Variants in PAIP2B observed in about 807,000 individuals in gnomAD.
PAIP2B encodes the protein poly(A) binding protein interacting protein 2B.
A neutral mutation model predicts 17.0 loss-of-function variants in PAIP2B; 13 were observed. The observed-to-expected ratio is 0.76, with a 90% CI of 0.50 to 1.22. The LOEUF (loss-of-function observed/expected upper bound fraction) is 1.22, where lower values mean the gene tolerates loss of function less well. PAIP2B is among the 50% of genes most tolerant of loss of function. The pLI is 0.00. For missense variants in PAIP2B, 117 were observed against 144.5 expected (o/e 0.81, Z 0.98); for synonymous variants, 43 against 48.7 (o/e 0.88, Z 0.48).
chr2:71,211,140 G>A (rs906708289), intron 1 of PAIP2B, among the ~76,000 whole-genome samples: 5 of 152,026 alleles, frequency 3.3e-5, no homozygotes, highest in Admixed American at 6.6e-5. Flanking sequence ...CCAGCTATTC[G>A]GGGAGGTAGG....
chr2:71,198,626 T>G (rs973997710), intron 2 of PAIP2B, among the ~76,000 whole-genome samples: 5 of 152,004 alleles, frequency 3.3e-5, no homozygotes, highest in African/African-American at 4.8e-5. Context: ...TTTCATCATG[T>G]TGGCCAGGCT....
intron 2 of PAIP2B, among the ~76,000 whole-genome samples, chr2:71,193,757 G>A (rs1361522212): frequency 6.6e-6 from 1 of 152,152 alleles, no homozygotes; most frequent in African/African-American, 2.4e-5. Context: ...TGGAGGCTGA[G>A]GCAGGAGAAT....
chr2:71,189,630 G>A (rs977132924), intron 3 of PAIP2B, among the ~76,000 whole-genome samples: 5 of 152,204 alleles, frequency 3.3e-5, no homozygotes, highest in Admixed American at 1.3e-4. Context: ...TAAAAAGCCC[G>A]TGATGCTGGC....
At chr2:71,204,573 T>C (rs781316643) in intron 1 of PAIP2B, among the ~76,000 whole-genome samples, 6 of 152,178 alleles carry the variant, frequency 3.9e-5, no homozygotes, top group Admixed American at 1.3e-4. Flanking sequence ...ATAGAACCCA[T>C]TTAAATCACT....
intron 2 of PAIP2B, among the ~76,000 whole-genome samples, chr2:71,194,479 GTGTGTGTGTGTGT>G (rs1572922694): frequency 6.6e-6 from 1 of 151,686 alleles, no homozygotes; most frequent in East Asian, 1.9e-4. Context: ...GTGTGTGTGT[GTGTGTGTGTGTGT>G]GGCAACTGTG....
At chr2:71,226,859 G>C (rs1200630507) in intron 1 of PAIP2B, 69 bp downstream of exon 1, 6 of 152,400 alleles carry the variant, frequency 3.9e-5, no homozygotes, top group Admixed American at 2.0e-4. Flanking sequence ...GGCGCAGGGC[G>C]CCCCCAGAGC....
intron 2 of PAIP2B, among the ~76,000 whole-genome samples, chr2:71,193,438 T>C (rs1474062277): frequency 6.6e-6 from 1 of 152,222 alleles, no homozygotes; most frequent in African/African-American, 2.4e-5. Context: ...TCTTAAGTTA[T>C]TTAGATCTCA....
intron 1 of PAIP2B, among the ~76,000 whole-genome samples, chr2:71,209,791 T>C (rs2013722): frequency 6.6e-6 from 1 of 152,086 alleles, no homozygotes; most frequent in Non-Finnish European, 1.5e-5. Flanking sequence ...AGCAATACAA[T>C]AAATAATTTT....
chr2:71,218,979 G>A (rs1392793537), intron 1 of PAIP2B, among the ~76,000 whole-genome samples: 6 of 148,140 alleles, frequency 4.1e-5, no homozygotes, highest in Admixed American at 6.8e-5. Flanking sequence ...GCAATGGCGC[G>A]ATCTTGGCTC....
At chr2:71,221,529 A>C (rs1037716574) in intron 1 of PAIP2B, among the ~76,000 whole-genome samples, 2 of 152,196 alleles carry the variant, frequency 1.3e-5, no homozygotes, top group African/African-American at 4.8e-5. Flanking sequence ...CATATGAACA[A>C]ATAACCACAC....
intron 2 of PAIP2B, among the ~76,000 whole-genome samples, chr2:71,196,556 A>T (rs1340409875): frequency 2.0e-5 from 3 of 152,142 alleles, no homozygotes; most frequent in African/African-American, 7.2e-5. Context: ...TAGGTCCTGT[A>T]TATCTTAGTT....
chr2:71,194,212 G>C (rs1674757985), intron 2 of PAIP2B, among the ~76,000 whole-genome samples: 1 of 151,716 alleles, frequency 6.6e-6, no homozygotes, highest in Non-Finnish European at 1.5e-5. Flanking sequence ...CACTTTTTAG[G>C]TTCCATATAA....
Position 71,187,221 on chromosome 2 carries a change from A to T in PAIP2B, c.*1258T>A, listed in dbSNP as rs755576638. On this transcript the variant is annotated 3_prime_UTR_variant, in exon 4 of 4. Coordinates refer to ENST00000244221, the MANE Select transcript of PAIP2B (RefSeq NM_020459.1). ...TTAGTTCCTTAGGGGTAGCAACAAA[A>T]GACCCCAGCAAGTTAAAGGCAGGAA... 6 of 152,274 alleles carry T rather than the reference A, an allele frequency of 3.9e-5. No individual in the cohort carries two copies. The highest frequency in any genetic ancestry group is 8.8e-5 in the Non-Finnish European group (6 of 68,092). 9.4% of individuals were successfully genotyped at this position (152,274 alleles called of 1,614,324 possible).
In PAIP2B at chr2:71,188,481, A is replaced by G. The variant is rs1558770426; in HGVS notation, c.370T>C (p.Ter124ArgextTer51). ...AKEFIPGEKY[*>R] Reference sequence around the variant, plus strand: ...GTCTTCCTCAAAGCTTTCTCGGCTCAGTACTTCTCTCCTGGAATAAACTCC... The same window carrying G: ...GTCTTCCTCAAAGCTTTCTCGGCTCGGTACTTCTCTCCTGGAATAAACTCC... Residue 124 changes from the stop codon to arginine, a stop_lost, in exon 4 of 4, where the codon TGA (stop) becomes CGA (arginine). Coordinates refer to ENST00000244221, the MANE Select transcript of PAIP2B (RefSeq NM_020459.1). 1.2e-6 allele frequency: 2 copies of G among 1,609,284 alleles called. No individual in the cohort carries two copies. Among genetic ancestry groups the G allele is most frequent in the South Asian group, 2.2e-5 (2 of 89,770 alleles).
intron 1 of PAIP2B, among the ~76,000 whole-genome samples, chr2:71,211,815 G>A (rs372417481): frequency 1.3e-5 from 2 of 152,256 alleles, no homozygotes; most frequent in African/African-American, 4.8e-5. Context: ...GAAACGTACA[G>A]AACAGTCATA....
In PAIP2B at chr2:71,188,209, A is replaced by T; in HGVS notation, c.*270T>A. On this transcript the variant is annotated 3_prime_UTR_variant, in exon 4 of 4. Transcript: ENST00000244221. ...GGAACACTTCTGATGAAGGGGGGAA[A>T]ATGCAATTTCCTTAACTCGAAAGAG... The T allele has an allele frequency of 2.1e-6, 1 of 472,670 alleles. No homozygotes were observed. The allele number at this position is 472,670 out of a possible 1,614,324, so 29.3% of individuals were successfully genotyped here.
intron 1 of PAIP2B, among the ~76,000 whole-genome samples, chr2:71,209,868 A>G (rs1242384234): frequency 6.6e-6 from 1 of 151,820 alleles, no homozygotes. Context: ...CTGTCGCCCC[A>G]GGCTGGAGTA....
intron 1 of PAIP2B, among the ~76,000 whole-genome samples, chr2:71,205,698 A>C (rs575245267): frequency 6.6e-6 from 1 of 152,282 alleles, no homozygotes; most frequent in South Asian, 2.1e-4. Flanking sequence ...GTGTTTCTCT[A>C]GTCATTCCAT....
At chr2:71,219,795 T>G (rs145494124) in intron 1 of PAIP2B, among the ~76,000 whole-genome samples, 1 of 152,198 alleles carries the variant, frequency 6.6e-6, no homozygotes, top group Non-Finnish European at 1.5e-5. Context: ...CATAGTCCTA[T>G]TCTCCCTCCA....
Sources: gnomAD v4.1 joint callset for allele counts (sites outside exome capture counted in the v4.1 genomes callset) on GRCh38, gnomAD v4.1.1 for gene constraint, MANE v1.5 for transcripts, NCBI Gene and HGNC (gene_info 2026-07-23, HGNC 2026-07-21) for gene names.